Variants in DMD observed in about 807,000 individuals in gnomAD.
DMD encodes dystrophin, also known as mutant dystrophin.
A neutral mutation model predicts 330.1 loss-of-function variants in DMD; 63 were observed. That is an observed-to-expected ratio of 0.19 (90% confidence interval 0.16 to 0.24). The LOEUF (loss-of-function observed/expected upper bound fraction) is 0.24. Ranked by LOEUF, DMD falls within the 10% of genes least tolerant of loss-of-function variation. DMD has a pLI of 1.00. For missense variants in DMD, 3,344 were observed against 2,684.1 expected (o/e 1.25, Z -5.43); for synonymous variants, 1,223 against 959.8 (o/e 1.27, Z -5.07).
At chrX:31,429,115 C>T (rs1167393521) in intron 60 of DMD, among the ~76,000 whole-genome samples, 1 of 95,695 alleles carries the variant, frequency 1.0e-5, no homozygotes, top group Non-Finnish European at 2.0e-5. Flanking sequence ...GATTGAGACT[C>T]CATCTCAAAA....
intron 43 of DMD, among the ~76,000 whole-genome samples, chrX:32,276,139 C>T (rs147914427): frequency 8.9e-6 from 1 of 112,202 alleles, no homozygotes; most frequent in Non-Finnish European, 1.9e-5. Context: ...AAAAGCCATG[C>T]TGGCCTCAGT....
At chrX:31,191,887 C>G (rs1023063615) in intron 67 of DMD, among the ~76,000 whole-genome samples, 5 of 112,467 alleles carry the variant, frequency 4.4e-5, no homozygotes, top group Admixed American at 9.4e-5. Flanking sequence ...GCTGACAACT[C>G]AACTTTTCTA....
intron 25 of DMD, among the ~76,000 whole-genome samples, chrX:32,457,369 G>A (rs962130407): frequency 1.8e-5 from 2 of 110,944 alleles, no homozygotes; most frequent in South Asian, 7.5e-4. Flanking sequence ...CGGGAATGGA[G>A]AGGTTGCTAG....
chrX:33,177,736 C>G (rs1485328497), intron 1 of DMD, among the ~76,000 whole-genome samples: 1 of 112,004 alleles, frequency 8.9e-6, no homozygotes, highest in Non-Finnish European at 1.9e-5. Context: ...ACTCTCTTAA[C>G]AAATGTTTAA....
chrX:32,986,255 AAGTT>A (rs750598665), intron 2 of DMD, among the ~76,000 whole-genome samples: 2 of 112,255 alleles, frequency 1.8e-5, no homozygotes, highest in African/African-American at 3.2e-5. Context: ...TTACTGCACT[AAGTT>A]AGATAAATCA....
intron 1 of DMD, among the ~76,000 whole-genome samples, chrX:33,098,443 T>C (rs921723153): frequency 9.0e-6 from 1 of 111,331 alleles, no homozygotes; most frequent in African/African-American, 3.3e-5. Flanking sequence ...TCTGCTGTCA[T>C]TGGATGTGGT....
chrX:31,307,896 G>C (rs934150095), intron 62 of DMD, among the ~76,000 whole-genome samples: 2 of 111,555 alleles, frequency 1.8e-5, no homozygotes, highest in Admixed American at 1.9e-4. Context: ...CCAGGCATGA[G>C]TTTTCTGGAA....
chrX:31,410,731 T>TTATA (rs200939018), intron 60 of DMD, among the ~76,000 whole-genome samples: 51 of 106,875 alleles, frequency 4.8e-4, no homozygotes, highest in African/African-American at 1.6e-3. Context: ...CAATCGATAA[T>TTATA]TATATATATA....
chrX:31,799,435 T>A (rs2091966292), intron 50 of DMD, among the ~76,000 whole-genome samples: 1 of 111,179 alleles, frequency 9.0e-6, no homozygotes, highest in Non-Finnish European at 1.9e-5. Context: ...CCATCAGATC[T>A]CATGTGAAAT....
At position 32,991,655 on chromosome X, in the gene DMD, A is replaced by T. The variant is rs183201761; in HGVS notation, c.93+28484T>A. ...ACATGTATACTTTTTTTATTGGTAC[A>T]TATGTCATATAAGGTTGTATGCGCA... On this transcript the variant is annotated intron_variant, in intron 2 of 78. Transcript: ENST00000357033. Among the ~76,000 whole-genome samples the T allele has an allele frequency of 4.9e-3, 551 of 112,186 alleles. 2 individuals carry two copies. Among genetic ancestry groups the T allele is most frequent in the African/African-American group, 0.017 (529 of 30,955 alleles).
intron 44 of DMD, among the ~76,000 whole-genome samples, chrX:32,162,341 C>T (rs182201932): frequency 2.7e-4 from 30 of 110,723 alleles, no homozygotes; most frequent in African/African-American, 9.2e-4. Context: ...GCCTCTCATA[C>T]AGAAGTGCCA....
At chrX:32,274,340 C>G (rs1316104745) in intron 43 of DMD, among the ~76,000 whole-genome samples, 1 of 111,897 alleles carries the variant, frequency 8.9e-6, no homozygotes, top group African/African-American at 3.2e-5. Context: ...GGATATTGAT[C>G]TATGGCTAAC....
chrX:31,841,924 C>T (rs745766613), intron 48 of DMD, among the ~76,000 whole-genome samples: 1 of 112,198 alleles, frequency 8.9e-6, no homozygotes, highest in African/African-American at 3.2e-5. Flanking sequence ...AGTCCTTGGA[C>T]AAAGGAGTCA....
chrX:32,077,404 A>T (rs190998362), intron 44 of DMD, among the ~76,000 whole-genome samples: 2 of 111,891 alleles, frequency 1.8e-5, no homozygotes, highest in East Asian at 5.6e-4. Flanking sequence ...AGAAAATTTC[A>T]TAATAACTTA....
intron 7 of DMD, among the ~76,000 whole-genome samples, chrX:32,726,906 G>C (rs773866023): frequency 8.2e-5 from 9 of 110,279 alleles, no homozygotes; most frequent in Non-Finnish European, 1.5e-4. Flanking sequence ...AGATGTAGGA[G>C]CTATGACTAC....
At chrX:32,809,049 G>A (rs905830948) in intron 7 of DMD, among the ~76,000 whole-genome samples, 1 of 111,961 alleles carries the variant, frequency 8.9e-6, no homozygotes, top group African/African-American at 3.2e-5. Flanking sequence ...CAGAAGTAGT[G>A]GCAGGAATAG....
At chrX:32,725,026 T>C (rs895624613) in intron 7 of DMD, among the ~76,000 whole-genome samples, 2 of 111,577 alleles carry the variant, frequency 1.8e-5, no homozygotes, top group African/African-American at 6.5e-5. Flanking sequence ...TAGCCACAGA[T>C]AGTACTTAAT....
At chrX:32,400,397 A>G (rs2098077991) in intron 30 of DMD, among the ~76,000 whole-genome samples, 1 of 111,366 alleles carries the variant, frequency 9.0e-6, no homozygotes, top group Non-Finnish European at 1.9e-5. Flanking sequence ...AATGTTCATC[A>G]AGGATAATGG....
intron 52 of DMD, among the ~76,000 whole-genome samples, chrX:31,690,889 G>A (rs765794309): frequency 6.4e-4 from 71 of 110,777 alleles, no homozygotes; most frequent in South Asian, 5.5e-3. Context: ...AACACCGCAT[G>A]TTCTCACTCA....
Sources: allele counts gnomAD v4.1 joint callset (sites outside exome capture counted in the v4.1 genomes callset), GRCh38; gene constraint gnomAD v4.1.1; transcripts MANE v1.5; gene names NCBI Gene and HGNC (gene_info 2026-07-23, HGNC 2026-07-21).